Variants in CDH9 observed in about 807,000 individuals in gnomAD.
The protein encoded by CDH9 is cadherin 9.
CDH9 carries 28 observed loss-of-function variants against 70.9 expected under a neutral mutation model. That is an observed-to-expected ratio of 0.40 (90% CI 0.29 to 0.54). The LOEUF (loss-of-function observed/expected upper bound fraction) is 0.54, where lower values mean the gene tolerates loss of function less well. Among genes scored for constraint, CDH9 ranks in the 20% least tolerant of loss-of-function variants. The pLI, the probability that CDH9 is intolerant of heterozygous loss-of-function variation, is 0.59. For missense variants in CDH9, 874 were observed against 984.4 expected (o/e 0.89, Z 1.50); for synonymous variants, 409 against 343.1 (o/e 1.19, Z -2.12).
intron 2 of CDH9, among the ~76,000 whole-genome samples, chr5:26,977,573 A>G (rs530239942): frequency 6.6e-6 from 1 of 151,858 alleles, no homozygotes; most frequent in East Asian, 1.9e-4. Flanking sequence ...GAGGATAAAA[A>G]GAATTCTACA....
rs768676133 is a variant in CDH9, at chr5:26,885,747, T to C, written c.1749A>G (p.Thr583=). 41 of 1,613,688 alleles carry C rather than the reference T, an allele frequency of 2.5e-5. No homozygotes were observed. The highest frequency in any genetic ancestry group is 1.0e-4 in the Admixed American group (6 of 59,874). The change falls in exon 11 of 12, where the codon ACA becomes ACG. Residue 583 remains threonine (T), a synonymous_variant. Transcript: ENST00000231021. ...NDYPIQSSTG[T]LTIRVCACDN... ...CGCAGGCACACACACGGATAGTGAG[T>C]GTACCAGTGCTGCTTTGAATTGGAT...
chr5:26,916,343 G>A (rs1281988700), intron 2 of CDH9, among the ~76,000 whole-genome samples: 1 of 151,892 alleles, frequency 6.6e-6, no homozygotes, highest in Non-Finnish European at 1.5e-5. Context: ...GTATTATAAT[G>A]ACAAGTTCAG....
chr5:26,959,055 A>G (rs1039136934), intron 2 of CDH9, among the ~76,000 whole-genome samples: 9 of 152,270 alleles, frequency 5.9e-5, no homozygotes, highest in African/African-American at 2.2e-4. Context: ...CACTACCAAA[A>G]AGATAAATAG....
chr5:27,036,330 G>C (rs887035303), intron 1 of CDH9, among the ~76,000 whole-genome samples: 1 of 151,904 alleles, frequency 6.6e-6, no homozygotes, highest in Admixed American at 6.6e-5. Context: ...GTGACGTTCA[G>C]ATGAGCTTCT....
rs1362006005 is a variant in CDH9 at position 26,915,785 on chromosome 5, A to T, written c.368T>A (p.Leu123Gln). 4 of 1,613,638 alleles carry T rather than the reference A, an allele frequency of 2.5e-6. No homozygotes were observed. The East Asian group carries it at 8.9e-5, about 36-fold the overall frequency. ...TATAGCCTTGGCACGAAGAATGTAC[A>T]GAGATTTTTCTTCTCTGTCTAGTTT... ...AKKLDREEKSLYILRAKAIDR... is the reference protein window; with the variant it reads ...AKKLDREEKSQYILRAKAIDR... The change falls in exon 3 of 12, where the codon CTG becomes CAG. Residue 123 changes from leucine to glutamine, a missense_variant. Physicochemically the swap from Leu to Gln is moderately radical, Grantham distance 113. Coordinates refer to ENST00000231021, the MANE Select transcript of CDH9 (RefSeq NM_016279.4).
At chr5:26,913,829 T>G (rs1213835253) in intron 3 of CDH9, among the ~76,000 whole-genome samples, 1 of 151,606 alleles carries the variant, frequency 6.6e-6, no homozygotes, top group Non-Finnish European at 1.5e-5. Context: ...TCAACAAATA[T>G]TAATAGAACC....
intron 2 of CDH9, among the ~76,000 whole-genome samples, chr5:26,951,393 G>A (rs957984532): frequency 2.0e-5 from 3 of 150,050 alleles, no homozygotes; most frequent in Non-Finnish European, 4.4e-5. Flanking sequence ...ATGGTATTTA[G>A]TAGGAGGAGA....
chr5:26,917,375 T>C (rs538422201), intron 2 of CDH9, among the ~76,000 whole-genome samples: 4 of 152,086 alleles, frequency 2.6e-5, no homozygotes, highest in South Asian at 2.1e-4. Context: ...ATGGTGACTA[T>C]AATAAATAAT....
intron 7 of CDH9, among the ~76,000 whole-genome samples, chr5:26,900,210 A>G (rs1740829756): frequency 6.6e-6 from 1 of 152,092 alleles, no homozygotes; most frequent in African/African-American, 2.4e-5. Context: ...CAACTCATAT[A>G]AAAAGCAAAA....
intron 1 of CDH9, among the ~76,000 whole-genome samples, chr5:27,012,145 C>A (rs547803763): frequency 1.2e-3 from 177 of 152,026 alleles, no homozygotes; most frequent in African/African-American, 4.1e-3. Context: ...GGTACATTTT[C>A]AGCATACAAC....
In CDH9 at chr5:26,918,337, G is replaced by T. The variant is rs77373854; in HGVS notation, c.229-2413C>A. On this transcript the variant is annotated intron_variant, in intron 2 of 11. Coordinates refer to ENST00000231021, the MANE Select transcript of CDH9 (RefSeq NM_016279.4). ...TGACTCACTAGATTAGGATGGATGA[G>T]CCTGCTCTTGACTTACATAGCACAC... Among the ~76,000 whole-genome samples, 236 of 152,160 alleles carry T rather than the reference G, an allele frequency of 1.6e-3. 2 individuals are homozygous for T. The highest frequency in any genetic ancestry group is 4.0e-3 in the African/African-American group (168 of 41,512).
chr5:27,035,768 A>AT (rs1743383571), intron 1 of CDH9, among the ~76,000 whole-genome samples: 2 of 151,380 alleles, frequency 1.3e-5, no homozygotes, highest in Admixed American at 1.3e-4. Flanking sequence ...TACATTGGAC[A>AT]TTTTTTAAGA....
rs144512712 is a variant in CDH9 at position 26,971,688 on chromosome 5, C to T, written c.228+16418G>A. Among the ~76,000 whole-genome samples the T allele has an allele frequency of 5.4e-3, 816 of 152,206 alleles. 6 individuals carry two copies. The highest frequency in any genetic ancestry group is 0.019 in the African/African-American group (777 of 41,538). On this transcript the variant is annotated intron_variant, in intron 2 of 11. Coordinates refer to ENST00000231021, the MANE Select transcript of CDH9 (RefSeq NM_016279.4). Reference sequence around the variant, plus strand: ...GTGCATGTGTGTGTATACATGCCTGCAGCATGCTAAGGGGATAGGAAACGT... The same window carrying T: ...GTGCATGTGTGTGTATACATGCCTGTAGCATGCTAAGGGGATAGGAAACGT...
chr5:26,915,557 C>A, intron 3 of CDH9, 73 bp downstream of exon 3: 8 of 878,808 alleles, frequency 9.1e-6, no homozygotes, highest in Non-Finnish European at 1.5e-5. Context: ...CATATCATAA[C>A]CACAAGTCAA....
chr5:27,023,599 G>A (rs1320073327), intron 1 of CDH9, among the ~76,000 whole-genome samples: 1 of 151,772 alleles, frequency 6.6e-6, no homozygotes, highest in Admixed American at 6.6e-5. Context: ...ATTTCTCAGG[G>A]TGTTGGTATT....
chr5:26,917,579 C>A (rs564893749), intron 2 of CDH9, among the ~76,000 whole-genome samples: 5 of 151,938 alleles, frequency 3.3e-5, no homozygotes, highest in Non-Finnish European at 5.9e-5. Flanking sequence ...TAAATCATAG[C>A]CAAAATTAGA....
chr5:26,941,376 C>T (rs906935789), intron 2 of CDH9, among the ~76,000 whole-genome samples: 2 of 152,168 alleles, frequency 1.3e-5, no homozygotes, highest in African/African-American at 4.8e-5. Context: ...CATGAGGAAA[C>T]ATCTGCTTGT....
chr5:26,932,158 T>C (rs10066252), intron 2 of CDH9, among the ~76,000 whole-genome samples: 14,548 of 152,102 alleles, frequency 0.096, 865 homozygotes, highest in East Asian at 0.17. Context: ...TAGTTTGATT[T>C]TATTGTCAAA....
intron 2 of CDH9, among the ~76,000 whole-genome samples, chr5:26,929,768 T>C (rs370790646): frequency 1.3e-5 from 2 of 152,044 alleles, no homozygotes; most frequent in Non-Finnish European, 2.9e-5. Flanking sequence ...ATATTCTCAT[T>C]TATTTGTTAG....
Sources: gnomAD v4.1 joint callset for allele counts (sites outside exome capture counted in the v4.1 genomes callset) on GRCh38, gnomAD v4.1.1 for gene constraint, MANE v1.5 for transcripts, NCBI Gene and HGNC (gene_info 2026-07-23, HGNC 2026-07-21) for gene names.